The following INPP4A variants were observed in gnomAD, a reference collection of about 807,000 sequenced individuals.
INPP4A encodes inositol polyphosphate-4-phosphatase, type I, 107kD.
Under a neutral mutation model 119.8 loss-of-function variants are expected in INPP4A, and 33 were observed. The observed-to-expected ratio is 0.28, with a 90% CI of 0.21 to 0.37. The LOEUF is 0.37. INPP4A is among the 10% of genes least tolerant of loss of function. INPP4A has a pLI of 1.00. For missense variants in INPP4A, 956 were observed against 1,289.9 expected (o/e 0.74, Z 3.97); for synonymous variants, 496 against 500.7 (o/e 0.99, Z 0.12).
intron 4 of INPP4A, among the ~76,000 whole-genome samples, chr2:98,525,384 A>G (rs1688006915): frequency 6.6e-6 from 1 of 152,218 alleles, no homozygotes; most frequent in African/African-American, 2.4e-5. Flanking sequence ...GCCCATCTGC[A>G]TAATCCATCT....
intron 1 of INPP4A, among the ~76,000 whole-genome samples, chr2:98,488,519 C>T (rs1406743835): frequency 3.3e-5 from 5 of 152,286 alleles, no homozygotes; most frequent in South Asian, 2.1e-4. Flanking sequence ...GTCTCTGTCA[C>T]GGTGATGTCT....
At chr2:98,572,199 G>T (rs1697588556) in intron 22 of INPP4A, among the ~76,000 whole-genome samples, 1 of 152,238 alleles carries the variant, frequency 6.6e-6, no homozygotes, top group African/African-American at 2.4e-5. Context: ...TTTTTCCTCA[G>T]TTTTGTCTGG....
At chr2:98,555,484 T>G in intron 15 of INPP4A, 69 bp from the exon 16 acceptor site, 5 of 1,501,146 alleles carry the variant, frequency 3.3e-6, no homozygotes, top group African/African-American at 1.4e-5. Context: ...TGGAGGGCGA[T>G]TTGGTTTGTG....
rs1363978408 is a variant in INPP4A at position 98,577,185 on chromosome 2, C to G, written c.2786+42C>G. 2.0e-6 allele frequency: 3 copies of G among 1,531,062 alleles called. No individual in the cohort carries two copies. The South Asian group carries it at 3.7e-5, about 19-fold the overall frequency. 94.8% of individuals were successfully genotyped at this position (1,531,062 alleles called of 1,614,324 possible). ...GGCCGCGCGCCCCGCCTGCCCCGGC[C>G]CGTGTAAACTGCAGATGAGCTGGTA... is the stretch of plus-strand genomic sequence containing the variant. On this transcript the variant is annotated intron_variant, in intron 24 of 24. Coordinates refer to ENST00000409851, the MANE Select transcript of INPP4A (RefSeq NM_001134225.2).
intron 4 of INPP4A, among the ~76,000 whole-genome samples, chr2:98,525,497 C>CT (rs752717364): frequency 2.6e-5 from 4 of 152,136 alleles, no homozygotes; most frequent in Admixed American, 6.5e-5. Context: ...CAGAGAGGGG[C>CT]TTCTCTGCCT....
intron 1 of INPP4A, among the ~76,000 whole-genome samples, chr2:98,478,472 C>G (rs1677715164): frequency 6.6e-6 from 1 of 152,138 alleles, no homozygotes; most frequent in Admixed American, 6.5e-5. Flanking sequence ...TCCACCAGAC[C>G]TGCGCTGCTG....
chr2:98,545,848 G>C (rs997419286), intron 11 of INPP4A, 121 bp from the exon 12 acceptor site: 1 of 665,806 alleles, frequency 1.5e-6, no homozygotes, highest in Admixed American at 3.1e-5. Flanking sequence ...GAATCTTCTA[G>C]GCCACTGCCG....
chr2:98,519,264 T>C (rs957570175), intron 2 of INPP4A: 7 of 152,274 alleles, frequency 4.6e-5, no homozygotes, highest in Non-Finnish European at 1.0e-4. Context: ...TTCTCGCTGC[T>C]TAATCTAGTT....
At chr2:98,454,754 T>A (rs1214052530) in intron 1 of INPP4A, among the ~76,000 whole-genome samples, 4 of 100,238 alleles carry the variant, frequency 4.0e-5, no homozygotes, top group Non-Finnish European at 7.6e-5. Flanking sequence ...AGGAGAAGGA[T>A]GTGGGCGGGG....
At chr2:98,446,121 C>T (rs1231258987) in intron 1 of INPP4A, among the ~76,000 whole-genome samples, 1 of 152,216 alleles carries the variant, frequency 6.6e-6, no homozygotes, top group Non-Finnish European at 1.5e-5. Flanking sequence ...GGTTCTGCCG[C>T]TTGCTGACTC....
Position 98,448,082 on chromosome 2 carries a change from G to A in INPP4A, c.-166+2997G>A, listed in dbSNP as rs547108016. Among the ~76,000 whole-genome samples, 42 of 149,550 alleles carry A rather than the reference G, an allele frequency of 2.8e-4. No individual in the cohort carries two copies. In the South Asian group the frequency reaches 8.5e-3, roughly 30 times the overall value. On this transcript the variant is annotated intron_variant, in intron 1 of 24. Transcript: ENST00000409851. ...AAAAAAAAAAAAATCATGGCCGGGCGCAGTGGCTCATGCCTATAATCCCAG... is the reference window on the plus strand; with the variant it reads ...AAAAAAAAAAAAATCATGGCCGGGCACAGTGGCTCATGCCTATAATCCCAG...
intron 1 of INPP4A, among the ~76,000 whole-genome samples, chr2:98,489,989 G>A (rs1364359878): frequency 2.6e-5 from 4 of 151,584 alleles, no homozygotes; most frequent in Non-Finnish European, 5.9e-5. Flanking sequence ...AGGGCCTAGG[G>A]TGATGGAGCT....
intron 1 of INPP4A, among the ~76,000 whole-genome samples, chr2:98,451,736 CT>C (rs1253581214): frequency 6.6e-6 from 1 of 152,122 alleles, no homozygotes; most frequent in Non-Finnish European, 1.5e-5. Context: ...GCTTGCATCT[CT>C]AAAGGGTGTA....
intron 1 of INPP4A, among the ~76,000 whole-genome samples, chr2:98,470,291 G>A (rs948839191): frequency 6.6e-6 from 1 of 152,346 alleles, no homozygotes; most frequent in South Asian, 2.1e-4. Flanking sequence ...TGGTGCAGGT[G>A]GGGAGACCTG....
rs1389671918 is a variant in INPP4A at position 98,544,017 on chromosome 2, C to A, written c.949+10C>A. ...CTCCATCAGTACAGAGGTGGGTGCA[C>A]CCCCATGCTGTCACCACACACGCGT... On this transcript the variant is annotated intron_variant, in intron 11 of 24. Coordinates refer to ENST00000409851, the MANE Select transcript of INPP4A (RefSeq NM_001134225.2). 3.2e-6 allele frequency: 5 copies of A among 1,552,916 alleles called. No homozygotes were observed. The African/African-American group carries it at 5.5e-5, about 17-fold the overall frequency.
intron 1 of INPP4A, among the ~76,000 whole-genome samples, chr2:98,515,782 C>T (rs111294787): frequency 0.015 from 2,354 of 152,236 alleles, 69 homozygotes; most frequent in African/African-American, 0.054. Flanking sequence ...AAGGCCTTGC[C>T]ACCTCACTAG....
In INPP4A at chr2:98,570,154, G is replaced by A. The variant is rs1233652281; in HGVS notation, c.2518+1486G>A. On this transcript the variant is annotated intron_variant, in intron 22 of 24. Transcript: ENST00000409851. The surrounding 1 kb of genome is among the most constrained non-coding windows in gnomAD (Gnocchi z 4.3). Reference sequence around the variant, plus strand: ...TGATGAGAGAGGCGCAGGGCTACAGGGGACCGACAGCGAGTGCAGCACTGG... The same window carrying A: ...TGATGAGAGAGGCGCAGGGCTACAGAGGACCGACAGCGAGTGCAGCACTGG... Among the ~76,000 whole-genome samples, 2 of 152,204 alleles carry A rather than the reference G, an allele frequency of 1.3e-5. No homozygotes were observed. The highest frequency in any genetic ancestry group is 3.9e-4 in the East Asian group (2 of 5,190).
intron 19 of INPP4A, 81 bp downstream of exon 19, chr2:98,564,844 T>C: frequency 7.0e-7 from 1 of 1,434,846 alleles, no homozygotes. Context: ...TTTCTCACTA[T>C]ACCAGTAATG....
At chr2:98,460,082 A>G (rs1696870973) in intron 1 of INPP4A, among the ~76,000 whole-genome samples, 1 of 149,660 alleles carries the variant, frequency 6.7e-6, no homozygotes, top group Non-Finnish European at 1.5e-5. Flanking sequence ...AAGGTGCCAC[A>G]CCTTTGGGTT....
Sources: allele counts gnomAD v4.1 joint callset (sites outside exome capture counted in the v4.1 genomes callset), GRCh38; gene constraint gnomAD v4.1.1; non-coding constraint Gnocchi (gnomAD v3.1); transcripts MANE v1.5; gene names NCBI Gene and HGNC (gene_info 2026-07-23, HGNC 2026-07-21).